LIPI: variants seen among roughly 807,000 people sequenced by gnomAD.
The protein encoded by LIPI is lipase member I.
A neutral mutation model predicts 50.6 loss-of-function variants in LIPI; 59 were observed. The ratio of observed to expected loss-of-function variants is 1.16; its 90% CI spans 0.94 to 1.45. LIPI has a LOEUF of 1.45. Among genes scored for constraint, LIPI ranks in the 40% most tolerant of loss-of-function variants. The probability of loss-of-function intolerance (pLI) is 0.00; values close to 1 mark genes in which losing one functional copy is unlikely to be tolerated. For missense variants in LIPI, 586 were observed against 536.3 expected (o/e 1.09, Z -0.92); for synonymous variants, 203 against 178.2 (o/e 1.14, Z -1.11).
chr21:14,198,787 C>A (rs1333629142), intron 1 of LIPI, among the ~76,000 whole-genome samples: 1 of 151,676 alleles, frequency 6.6e-6, no homozygotes, highest in Non-Finnish European at 1.5e-5. Flanking sequence ...GATATCTCCA[C>A]ATAAAACAAT....
Position 14,165,259 on chromosome 21 carries a change from A to T in LIPI, c.865T>A (p.Cys289Ser), listed in dbSNP as rs755208351. ...CATGATTTTTCCTTAAAACAGTCACAGTCCACACATAAGCTAGTCTTGTAA... is the reference window on the plus strand; with the variant it reads ...CATGATTTTTCCTTAAAACAGTCACTGTCCACACATAAGCTAGTCTTGTAA... Reference protein sequence around the residue: ...KDYKTSLCVDCDCFKEKSCPR... With the variant: ...KDYKTSLCVDSDCFKEKSCPR... The change falls in exon 6 of 10, where the codon TGT becomes AGT. Residue 289 changes from cysteine (C) to serine (S), a missense_variant. Physicochemically the swap from Cys to Ser is moderately radical, Grantham distance 112. Transcript: ENST00000681601. The T allele has an allele frequency of 3.7e-6, 6 of 1,612,738 alleles. No homozygotes were observed. The highest frequency in any genetic ancestry group is 4.2e-6 in the Non-Finnish European group (5 of 1,178,920).
At chr21:14,145,202 A>G (rs1333425657) in intron 8 of LIPI, among the ~76,000 whole-genome samples, 1 of 152,136 alleles carries the variant, frequency 6.6e-6, no homozygotes, top group Admixed American at 6.6e-5. Flanking sequence ...ACCTAGAGCA[A>G]TAACTTATAA....
chr21:14,178,234 T>C (rs544664199), intron 4 of LIPI, among the ~76,000 whole-genome samples: 61 of 152,172 alleles, frequency 4.0e-4, no homozygotes, highest in Admixed American at 1.2e-3. Flanking sequence ...CTGATTATAT[T>C]ACTCAGTTTG....
chr21:14,144,030 G>T (rs2123058217), intron 9 of LIPI: 1 of 162,378 alleles, frequency 6.2e-6, no homozygotes. Flanking sequence ...TAAAGTGTCA[G>T]CTTCTCCTCA....
chr21:14,195,689 T>C (rs967904170), intron 1 of LIPI, among the ~76,000 whole-genome samples: 1 of 152,166 alleles, frequency 6.6e-6, no homozygotes, highest in Non-Finnish European at 1.5e-5. Flanking sequence ...AAGGACACTG[T>C]TAAGAATATG....
chr21:14,187,607 T>C (rs184772610), intron 2 of LIPI, among the ~76,000 whole-genome samples: 3 of 152,308 alleles, frequency 2.0e-5, no homozygotes, highest in Admixed American at 6.5e-5. Flanking sequence ...TATTTATTAG[T>C]TGAGAAAACA....
chr21:14,176,678 T>C (rs1568869268), intron 4 of LIPI, among the ~76,000 whole-genome samples: 1 of 103,242 alleles, frequency 9.7e-6, no homozygotes, highest in Non-Finnish European at 2.1e-5. Flanking sequence ...TTTGAGAATA[T>C]TGTTTTTTTT....
At chr21:14,114,814 T>C (rs1242767583) in intron 9 of LIPI, among the ~76,000 whole-genome samples, 5 of 152,132 alleles carry the variant, frequency 3.3e-5, no homozygotes, top group South Asian at 2.1e-4. Flanking sequence ...AATTACAGCA[T>C]GGTACATCAT....
chr21:14,199,545 T>C (rs929953886), intron 1 of LIPI, among the ~76,000 whole-genome samples: 5 of 151,652 alleles, frequency 3.3e-5, no homozygotes, highest in African/African-American at 9.7e-5. Flanking sequence ...TCAGGAAGAA[T>C]TGGAATCCCT....
At chr21:14,179,306 C>T (rs982190124) in intron 4 of LIPI, among the ~76,000 whole-genome samples, 3 of 151,798 alleles carry the variant, frequency 2.0e-5, no homozygotes, top group African/African-American at 7.3e-5. Flanking sequence ...TGTGCTGAGT[C>T]CACGCATATC....
chr21:14,159,112 G>T (rs1349110498), intron 7 of LIPI, among the ~76,000 whole-genome samples: 2 of 151,392 alleles, frequency 1.3e-5, no homozygotes, highest in African/African-American at 4.8e-5. Flanking sequence ...ACAGAGAAGG[G>T]AAAACTTGCC....
At chr21:14,189,572 T>C (rs886585962) in intron 1 of LIPI, among the ~76,000 whole-genome samples, 153 bp from the exon 2 acceptor site, 3 of 152,138 alleles carry the variant, frequency 2.0e-5, no homozygotes, top group Admixed American at 6.5e-5. Context: ...ATGTTGAAGG[T>C]AATGTATTAA....
intron 2 of LIPI, among the ~76,000 whole-genome samples, chr21:14,187,421 C>T (rs2019494326): frequency 6.6e-6 from 1 of 152,140 alleles, no homozygotes; most frequent in African/African-American, 2.4e-5. Context: ...TTCTCACAGC[C>T]ATGCCCCAAA....
intron 1 of LIPI, among the ~76,000 whole-genome samples, chr21:14,204,149 G>T (rs1407608651): frequency 6.6e-6 from 1 of 151,890 alleles, no homozygotes; most frequent in Non-Finnish European, 1.5e-5. Flanking sequence ...CTTAATATGT[G>T]TACTGGTATA....
intron 1 of LIPI, among the ~76,000 whole-genome samples, chr21:14,210,055 C>A (rs1180530498): frequency 6.6e-6 from 1 of 151,804 alleles, no homozygotes; most frequent in African/African-American, 2.4e-5. Flanking sequence ...TTCAAGTATG[C>A]ATTAACAAAT....
At chr21:14,176,040 T>C (rs2019082898) in intron 4 of LIPI, among the ~76,000 whole-genome samples, 1 of 151,824 alleles carries the variant, frequency 6.6e-6, no homozygotes. Flanking sequence ...TAGCCGGGCC[T>C]GGTGGTGGGC....
At chr21:14,133,120 T>C (rs2017358596) in intron 9 of LIPI, among the ~76,000 whole-genome samples, 1 of 152,094 alleles carries the variant, frequency 6.6e-6, no homozygotes, top group South Asian at 2.1e-4. Flanking sequence ...ACTCCAAAAA[T>C]TGAGGAGGAA....
chr21:14,138,717 T>C (rs2017597150), intron 9 of LIPI, among the ~76,000 whole-genome samples: 1 of 152,080 alleles, frequency 6.6e-6, no homozygotes. Context: ...AATCAATGTA[T>C]AAATTACCCT....
intron 7 of LIPI, among the ~76,000 whole-genome samples, chr21:14,161,664 ATAATATATACATTATTATATATTAATG>A: frequency 9.3e-6 from 1 of 107,856 alleles, no homozygotes; most frequent in Non-Finnish European, 1.7e-5. Context: ...ATATTAATGT[ATAATATATACATTATTATATATTAATG>A]TATAATATAT....
Sources: allele counts gnomAD v4.1 joint callset (sites outside exome capture counted in the v4.1 genomes callset), GRCh38; gene constraint gnomAD v4.1.1; transcripts MANE v1.5; gene names NCBI Gene and HGNC (gene_info 2026-07-23, HGNC 2026-07-21).